Variants in MAPK8IP3 observed in about 807,000 individuals in gnomAD.
MAPK8IP3 encodes the protein C-Jun-amino-terminal kinase-interacting protein 3.
In MAPK8IP3, 49 loss-of-function variants were observed where a neutral mutation model predicts 157.8. The ratio of observed to expected loss-of-function variants is 0.31; its 90% CI spans 0.25 to 0.39. The LOEUF is 0.39. MAPK8IP3 is among the 10% of genes least tolerant of loss of function. The pLI is 1.00. For synonymous variants in MAPK8IP3, 897 were observed against 777.7 expected (o/e 1.15, Z -2.55); for missense variants, 1,478 against 1,889.4 (o/e 0.78, Z 4.04).
At chr16:1,711,832 T>G (rs1229906423) in intron 1 of MAPK8IP3, among the ~76,000 whole-genome samples, 1 of 150,414 alleles carries the variant, frequency 6.6e-6, no homozygotes, top group Non-Finnish European at 1.5e-5. Flanking sequence ...CCCAGCTACT[T>G]GGAAGGCTGA....
rs767561629 is a variant in MAPK8IP3 at position 1,747,083 on chromosome 16, A to G, written c.802A>G (p.Ser268Gly). ...SGQSSAAATP[S>G]TTGTKSNTPT... ...CCAGTCCTCGGCGGCCGCCACACCC[A>G]GCACCACAGGCACCAAGTCCAACAC... is the stretch of plus-strand genomic sequence containing the variant. Residue 268 changes from serine to glycine, a missense_variant, in exon 6 of 32, where the codon AGC becomes GGC. This residue lies in a region of MAPK8IP3 where 315 missense variants were observed against 394.4 expected (regional missense o/e 0.80). Transcript: ENST00000610761. The G allele has an allele frequency of 1.2e-6, 2 of 1,613,492 alleles. No homozygotes were observed. The highest frequency in any genetic ancestry group is 2.7e-5 in the African/African-American group (2 of 74,928).
chr16:1,744,716 CGCCCGCTCTGG>C (rs1214282216), intron 5 of MAPK8IP3: 4 of 985,408 alleles, frequency 4.1e-6, no homozygotes, highest in Non-Finnish European at 4.8e-6. Flanking sequence ...CTGCCTCTCG[CGCCCGCTCTGG>C]GCCCGCTCTT....
rs1161430750 is a variant in MAPK8IP3, at chr16:1,743,188, A to C, written c.603-144A>C. 5 of 1,153,272 alleles carry C rather than the reference A, an allele frequency of 4.3e-6. No homozygotes were observed. Among genetic ancestry groups the C allele is most frequent in the Non-Finnish European group, 5.7e-6 (5 of 875,398 alleles). The allele number at this position is 1,153,272 out of a possible 1,614,324, so 71.4% of individuals were successfully genotyped here. The stretch of plus-strand genomic sequence containing the variant: ...GGGAGGGGAAGCGCCACGTAGGATC[A>C]TAACTGAGTAGCTGCTCGAGCTGGG... On this transcript the variant is annotated intron_variant, in intron 4 of 31. Coordinates refer to ENST00000610761, the MANE Select transcript of MAPK8IP3 (RefSeq NM_001318852.2). This position sits in a 1 kb window ranked among gnomAD's most constrained non-coding sequence, Gnocchi z 5.6.
rs1299443144 is a variant in MAPK8IP3 at position 1,754,575 on chromosome 16, C to G, written c.1217-3573C>G. 2.6e-5 allele frequency among the ~76,000 whole-genome samples: 4 copies of G among 152,214 alleles called. No individual in the cohort carries two copies. The East Asian group carries it at 7.7e-4, about 29-fold the overall frequency. On this transcript the variant is annotated intron_variant, in intron 8 of 31. Transcript: ENST00000610761. ...GATCACAAGGTCAGGAGTTCGAGAC[C>G]ACTCTGGCCGACGTGGTGAAACCCC...
intron 1 of MAPK8IP3, among the ~76,000 whole-genome samples, chr16:1,723,249 G>A (rs772209386): frequency 2.0e-5 from 3 of 151,722 alleles, no homozygotes; most frequent in Non-Finnish European, 4.4e-5. Flanking sequence ...TGGTCAGGCT[G>A]GTCTCGAACT....
At chr16:1,756,059 C>T (rs993331302) in intron 8 of MAPK8IP3, among the ~76,000 whole-genome samples, 12 of 152,130 alleles carry the variant, frequency 7.9e-5, no homozygotes, top group Non-Finnish European at 8.8e-5. Flanking sequence ...GCAGCCCCAC[C>T]GAGCACTGGC....
At position 1,764,097 on chromosome 16, in the gene MAPK8IP3, C is replaced by CCTCCCTG; in HGVS notation, c.2026-9_2026-3dup. ...GGAGCCAGGGTTCGTGCCCACGGCG[C>CCTCCCTG]CTCCCTGCTCCCTGCAGCTGAGTCC... On this transcript the variant is annotated splice_polypyrimidine_tract_variant and intron_variant, in intron 17 of 31. Coordinates refer to ENST00000610761, the MANE Select transcript of MAPK8IP3 (RefSeq NM_001318852.2). 1 of 1,584,064 alleles carries CCTCCCTG rather than the reference C, an allele frequency of 6.3e-7. No homozygotes were observed.
intron 13 of MAPK8IP3, 22 bp downstream of exon 13, chr16:1,761,327 C>A (rs1489031670): frequency 6.2e-7 from 1 of 1,603,518 alleles, no homozygotes; most frequent in South Asian, 1.1e-5. Context: ...CTTCACTCTT[C>A]ACATGCGGGG....
In MAPK8IP3 at chr16:1,768,806, G is replaced by T; in HGVS notation, c.3996G>T (p.Val1332=). 6.2e-7 allele frequency: 1 copy of T among 1,612,450 alleles called. No homozygotes were observed. The highest frequency in any genetic ancestry group is 8.5e-7 in the Non-Finnish European group (1 of 1,179,786). ...AERSHIIVWQ[V]SYTPE is the part of the protein sequence containing the mutation. The stretch of plus-strand genomic sequence containing the variant: ...GCAGTCACATCATCGTGTGGCAGGT[G>T]TCCTACACCCCCGAGTGAAGCTGCT... The change falls in exon 32 of 32, where the codon GTG becomes GTT. Residue 1332 remains valine (V), a synonymous_variant. Coordinates refer to ENST00000610761, the MANE Select transcript of MAPK8IP3 (RefSeq NM_001318852.2).
In MAPK8IP3 at chr16:1,748,774, T is replaced by C. The variant is rs769410335; in HGVS notation, c.1216+54T>C. On this transcript the variant is annotated intron_variant, in intron 8 of 31. Transcript: ENST00000610761. ...GTGCCTGCACAATGCTGGGGCTTTCTGCTGTTGGTTTTGTTTGTAATGAAA... is the reference window on the plus strand; with the variant it reads ...GTGCCTGCACAATGCTGGGGCTTTCCGCTGTTGGTTTTGTTTGTAATGAAA... 4 of 1,478,302 alleles carry C rather than the reference T, an allele frequency of 2.7e-6. No homozygotes were observed. The South Asian group carries it at 3.4e-5, about 13-fold the overall frequency. The allele number at this position is 1,478,302 out of a possible 1,614,324, so 91.6% of individuals were successfully genotyped here. A position where few individuals can be genotyped will look rare whatever the true frequency, so the allele number is the denominator to read the frequency against.
intron 4 of MAPK8IP3, among the ~76,000 whole-genome samples, chr16:1,735,890 C>T (rs1209612695): frequency 7.3e-6 from 1 of 137,162 alleles, no homozygotes; most frequent in African/African-American, 2.8e-5. Context: ...ATCTGTGTGA[C>T]TGTCCATGTG....
chr16:1,750,136 C>T (rs563604911), intron 8 of MAPK8IP3, among the ~76,000 whole-genome samples: 1 of 152,066 alleles, frequency 6.6e-6, no homozygotes, highest in Non-Finnish European at 1.5e-5. Flanking sequence ...TCAGAAAAAT[C>T]CTGCTAAATA....
chr16:1,720,200 G>T (rs34846031), intron 1 of MAPK8IP3, among the ~76,000 whole-genome samples: 1 of 152,062 alleles, frequency 6.6e-6, no homozygotes, highest in Non-Finnish European at 1.5e-5. Flanking sequence ...ACGCCCAGCT[G>T]ATTTTTTGTG....
chr16:1,729,047 C>G, intron 2 of MAPK8IP3, 91 bp from the exon 3 acceptor site: 1 of 1,291,048 alleles, frequency 7.7e-7, no homozygotes, highest in Non-Finnish European at 1.1e-6. Flanking sequence ...CAGCCTTGTC[C>G]TGGAACCCCC....
At position 1,769,111 on chromosome 16, in the gene MAPK8IP3, TG is replaced by T. The variant is rs1282836223; in HGVS notation, c.*290del. On this transcript the variant is annotated 3_prime_UTR_variant, in exon 32 of 32. Coordinates refer to ENST00000610761, the MANE Select transcript of MAPK8IP3 (RefSeq NM_001318852.2). ...CAGAGTCCTCAAGTCCAGGGCACCTTGGGCCCAGCGCAGGCAGAATCCGAGG... is the reference window on the plus strand; with the variant it reads ...CAGAGTCCTCAAGTCCAGGGCACCTTGGCCCAGCGCAGGCAGAATCCGAGG... The T allele has an allele frequency of 2.2e-6, 1 of 464,106 alleles. No individual in the cohort carries two copies. Among genetic ancestry groups the T allele is most frequent in the Non-Finnish European group, 3.9e-6 (1 of 253,272 alleles). 28.7% of individuals were successfully genotyped at this position (464,106 alleles called of 1,614,324 possible).
intron 4 of MAPK8IP3, among the ~76,000 whole-genome samples, chr16:1,733,915 GCA>G (rs2039480523): frequency 6.6e-6 from 1 of 152,238 alleles, no homozygotes; most frequent in Non-Finnish European, 1.5e-5. Flanking sequence ...CTTCTTCTGG[GCA>G]CACAGGACCT....
rs112559650 is a variant in MAPK8IP3, at chr16:1,747,271, T to C, written c.990T>C (p.Ser330=). Reference sequence around the variant, plus strand: ...TCACCCAGGAGATGCGCAACGTCAGTATAGGTGGGTGCCCACCTCCGGGAC... The same window carrying C: ...TCACCCAGGAGATGCGCAACGTCAGCATAGGTGGGTGCCCACCTCCGGGAC... ...VQVTQEMRNV[S]IGMGSSDEWS... The change falls in exon 6 of 32, where the codon AGT becomes AGC. Residue 330 remains serine (S), a synonymous_variant. Coordinates refer to ENST00000610761, the MANE Select transcript of MAPK8IP3 (RefSeq NM_001318852.2). 2,507 of 1,612,368 alleles carry C rather than the reference T, an allele frequency of 1.6e-3. 4 individuals are homozygous for C. The highest frequency in any genetic ancestry group is 1.8e-3 in the Non-Finnish European group (2,166 of 1,179,110).
intron 5 of MAPK8IP3, chr16:1,744,953 T>C: frequency 1.0e-6 from 1 of 984,252 alleles, no homozygotes. Flanking sequence ...TGTTTTGTTT[T>C]TGTTTTTATG....
Position 1,762,361 on chromosome 16 carries a change from C to A in MAPK8IP3, c.1550C>A (p.Pro517His). Residue 517 changes from proline to histidine, a missense_variant, in exon 14 of 32, where the codon CCC becomes CAC. Pro to His is a moderately conservative substitution (Grantham distance 77, BLOSUM62 -2). Coordinates refer to ENST00000610761, the MANE Select transcript of MAPK8IP3 (RefSeq NM_001318852.2). ...SYLCTESDKI[P>H]MAQRRRFTRV... ...CCCCTCCCTCCGCAGGACAAAATCC[C>A]CATGGCCCAGCGCCGCCGCTTCACG... 1 of 1,575,690 alleles carries A rather than the reference C, an allele frequency of 6.3e-7. No individual in the cohort carries two copies. Among genetic ancestry groups the A allele is most frequent in the East Asian group, 2.3e-5 (1 of 42,570 alleles).
Sources: allele counts gnomAD v4.1 joint callset (sites outside exome capture counted in the v4.1 genomes callset), GRCh38; gene constraint gnomAD v4.1.1; regional missense constraint gnomAD v4.1.1; non-coding constraint Gnocchi (gnomAD v3.1); transcripts MANE v1.5; gene names NCBI Gene and HGNC (gene_info 2026-07-23, HGNC 2026-07-21).